The following OR6N1 variants were observed in gnomAD, a reference collection of about 807,000 sequenced individuals.
OR6N1 encodes olfactory receptor 6N1.
For synonymous variants in OR6N1, 170 were observed against 150.7 expected (o/e 1.13, Z -0.94); for missense variants, 394 against 371.7 (o/e 1.06, Z -0.49).
chr1:158,803,475 G>T, the OR6N1 span, among the ~76,000 whole-genome samples: 2 of 152,136 alleles, frequency 1.3e-5, no homozygotes, highest in Non-Finnish European at 2.9e-5. Context: ...ATATAGATTA[G>T]CCATCTATCC....
chr1:158,776,309 C>G (rs1657592002), upstream of OR6N1: 1 of 159,462 alleles, frequency 6.3e-6, no homozygotes, highest in Non-Finnish European at 1.4e-5. Flanking sequence ...AGGTCTGAGC[C>G]AAAATAAGAT....
the OR6N1 span, among the ~76,000 whole-genome samples, chr1:158,828,139 G>A: frequency 6.6e-6 from 1 of 152,112 alleles, no homozygotes; most frequent in African/African-American, 2.4e-5. Flanking sequence ...TACAAGATGA[G>A]ATTTGGGTGG....
At chr1:158,777,171 A>G, upstream of OR6N1, 1 of 1,614,112 alleles carries the variant, frequency 6.2e-7, no homozygotes. Context: ...CAGAAATGGG[A>G]CACAGGAAGC....
the OR6N1 span, among the ~76,000 whole-genome samples, chr1:158,834,050 ACAT>A: frequency 6.6e-6 from 1 of 152,076 alleles, no homozygotes; most frequent in East Asian, 1.9e-4. Flanking sequence ...GTACCAAAAA[ACAT>A]CATCCTAGGA....
chr1:158,798,272 T>C, the OR6N1 span, among the ~76,000 whole-genome samples: 5 of 151,560 alleles, frequency 3.3e-5, no homozygotes, highest in African/African-American at 1.2e-4. Flanking sequence ...GATTTTTTCT[T>C]ACACTTTCTT....
At position 158,766,447 on chromosome 1, in the gene OR6N1, G is replaced by A. The variant is rs867786581; in HGVS notation, c.236C>T (p.Pro79Leu). 1.9e-6 allele frequency: 3 copies of A among 1,613,810 alleles called. No individual in the cohort carries two copies. Among genetic ancestry groups the A allele is most frequent in the Middle Eastern group, 1.6e-4 (1 of 6,062 alleles). ...ACTGAGCAAGTTTGCCAGCATCTTA[G>A]GGATGGTGGCAGCTGTATAGCCAAG... is the stretch of plus-strand genomic sequence containing the variant. Reference protein sequence around the residue: ...SELGYTAATIPKMLANLLSEK... With the variant: ...SELGYTAATILKMLANLLSEK... The change falls in exon 2 of 2, where the codon CCT becomes CTT. Residue 79 changes from proline (P) to leucine (L), a missense_variant. Coordinates refer to ENST00000641846, the MANE Select transcript of OR6N1 (RefSeq NM_001005185.2).
At chr1:158,808,892 C>A in the OR6N1 span, 1 of 152,636 alleles carries the variant, frequency 6.6e-6, no homozygotes, top group South Asian at 2.1e-4. Flanking sequence ...GCCAGCCACC[C>A]AACTGGCCCC....
At chr1:158,778,112 T>G in the OR6N1 span, among the ~76,000 whole-genome samples, 1 of 152,186 alleles carries the variant, frequency 6.6e-6, no homozygotes, top group South Asian at 2.1e-4. Flanking sequence ...GAATTTTGGG[T>G]ATGAGATTAA....
At chr1:158,807,434 T>A in the OR6N1 span, among the ~76,000 whole-genome samples, 1 of 152,194 alleles carries the variant, frequency 6.6e-6, no homozygotes. Flanking sequence ...CTGACCATAC[T>A]CTAGCAGGTA....
chr1:158,772,151 A>T lies in OR6N1; in HGVS notation c.-149T>A, dbSNP rs1466937240. 1 of 152,218 alleles carries T rather than the reference A, an allele frequency of 6.6e-6. No individual in the cohort carries two copies. Among genetic ancestry groups the T allele is most frequent in the African/African-American group, 2.4e-5 (1 of 41,456 alleles). 9.4% of individuals were successfully genotyped at this position (152,218 alleles called of 1,614,324 possible). ...CTCATTTGCAGTATTATACCCAGCC[A>T]TTCCCGGGGCCTGGAGGGGTTGAAG... On this transcript the variant is annotated 5_prime_UTR_variant, in exon 1 of 2. The change abolishes an upstream ATG in the 5' untranslated region. Transcript: ENST00000641846.
chr1:158,803,293 A>G, the OR6N1 span, among the ~76,000 whole-genome samples: 1 of 152,312 alleles, frequency 6.6e-6, no homozygotes, highest in East Asian at 1.9e-4. Context: ...ATTTTTGGAC[A>G]ATATGAGGGT....
the OR6N1 span, among the ~76,000 whole-genome samples, chr1:158,792,265 A>G: frequency 1.3e-5 from 2 of 151,924 alleles, no homozygotes; most frequent in Non-Finnish European, 2.9e-5. Flanking sequence ...CCACCCCTTT[A>G]CCTTGAGCCT....
the OR6N1 span, among the ~76,000 whole-genome samples, chr1:158,794,528 G>A: frequency 6.6e-6 from 1 of 152,138 alleles, no homozygotes; most frequent in Non-Finnish European, 1.5e-5. Context: ...GCGTCTGCAA[G>A]GGATCCTGTG....
At chr1:158,821,004 A>G in the OR6N1 span, among the ~76,000 whole-genome samples, 3 of 152,352 alleles carry the variant, frequency 2.0e-5, no homozygotes, top group South Asian at 6.2e-4. Context: ...TACTTTTAGC[A>G]GTAGCCAGAC....
At chr1:158,806,799 A>C in the OR6N1 span, among the ~76,000 whole-genome samples, 2 of 152,014 alleles carry the variant, frequency 1.3e-5, no homozygotes, top group African/African-American at 4.8e-5. Flanking sequence ...ACACCTTTCC[A>C]TCTCTGCTCT....
the OR6N1 span, among the ~76,000 whole-genome samples, chr1:158,807,510 G>C: frequency 1.1e-4 from 16 of 152,208 alleles, no homozygotes; most frequent in Non-Finnish European, 2.1e-4. Flanking sequence ...GGAAGCAATA[G>C]AGGAGCTGGA....
the OR6N1 span, among the ~76,000 whole-genome samples, chr1:158,780,153 G>T: frequency 3.3e-5 from 5 of 152,124 alleles, no homozygotes; most frequent in Non-Finnish European, 7.4e-5. Flanking sequence ...CCCTAATCCT[G>T]TTGAAAGACC....
the OR6N1 span, among the ~76,000 whole-genome samples, chr1:158,814,175 T>C: frequency 1.3e-5 from 2 of 152,178 alleles, no homozygotes; most frequent in African/African-American, 2.4e-5. Flanking sequence ...TGATCAACTA[T>C]ATGAACATCC....
the OR6N1 span, among the ~76,000 whole-genome samples, chr1:158,833,516 T>C: frequency 6.6e-6 from 1 of 152,202 alleles, no homozygotes; most frequent in African/African-American, 2.4e-5. Context: ...GCAAACATCA[T>C]TCTACCTTCT....
Sources: gnomAD v4.1 joint callset for allele counts (sites outside exome capture counted in the v4.1 genomes callset) on GRCh38, gnomAD v4.1.1 for gene constraint, MANE v1.5 for transcripts, NCBI Gene and HGNC (gene_info 2026-07-23, HGNC 2026-07-21) for gene names.